SLC22A2: variants seen among roughly 807,000 people sequenced by gnomAD.
The protein encoded by SLC22A2 is organic cation transporter 2.
In SLC22A2, 46 loss-of-function variants were observed where a neutral mutation model predicts 60.5. The ratio of observed to expected loss-of-function variants is 0.76; its 90% CI spans 0.60 to 0.97. The LOEUF is 0.97. Ranked by LOEUF, SLC22A2 falls within the 50% of genes least tolerant of loss-of-function variation. The pLI, the probability that SLC22A2 is intolerant of heterozygous loss-of-function variation, is 0.00. For missense variants in SLC22A2, 701 were observed against 706.6 expected, an observed-to-expected ratio of 0.99 and a Z score of 0.09; for synonymous variants, 303 against 267.0, an observed-to-expected ratio of 1.13 and a Z score of -1.31.
At chr6:160,254,155 G>A (rs941783777) in intron 2 of SLC22A2, among the ~76,000 whole-genome samples, 1 of 152,154 alleles carries the variant, frequency 6.6e-6, no homozygotes, top group Non-Finnish European at 1.5e-5. Flanking sequence ...GTAGGCGCCT[G>A]TAATCCCAGC....
chr6:160,256,899 T>TA lies in SLC22A2; in HGVS notation c.415-183_415-182insT, dbSNP rs759207691. ...CAATTTTCTTCTTCTTCTCTCTCTC[T>TA]CTCTTTTTTTTTTTTTTTTGTGAGA... is the stretch of plus-strand genomic sequence containing the variant. On this transcript the variant is annotated intron_variant, in intron 1 of 10. Coordinates refer to ENST00000366953, the MANE Select transcript of SLC22A2 (RefSeq NM_003058.4). Among the ~76,000 whole-genome samples the TA allele has an allele frequency of 3.5e-5, 5 of 143,528 alleles. No individual in the cohort carries two copies. In the South Asian group the frequency reaches 6.6e-4, roughly 19 times the overall value. 94.2% of individuals were successfully genotyped at this position (143,528 alleles called of 152,430 possible).
intron 2 of SLC22A2, among the ~76,000 whole-genome samples, chr6:160,252,026 A>G (rs1783193250): frequency 6.6e-6 from 1 of 152,150 alleles, no homozygotes; most frequent in African/African-American, 2.4e-5. Flanking sequence ...GGTTTGTCAC[A>G]TAGGGAAATG....
rs772365565 is a variant in SLC22A2 at position 160,258,683 on chromosome 6, G to C, written c.75C>G (p.Leu25=). Residue 25 remains leucine (L), a synonymous_variant, in exon 1 of 11, where the codon CTC becomes CTG. Coordinates refer to ENST00000366953, the MANE Select transcript of SLC22A2 (RefSeq NM_003058.4). ...FHFFQKQMFF[L]LALLSATFAP... is the part of the protein sequence containing the mutation. ...CGAAGGTAGCCGAGAGCAGAGCCAA[G>C]AGGAAAAACATTTGCTTCTGGAAAA... 6.2e-7 allele frequency: 1 copy of C among 1,609,678 alleles called. No homozygotes were observed. Among genetic ancestry groups the C allele is most frequent in the East Asian group, 2.2e-5 (1 of 44,800 alleles).
intron 10 of SLC22A2, among the ~76,000 whole-genome samples, chr6:160,221,503 C>G (rs1562429548): frequency 6.6e-6 from 1 of 152,230 alleles, no homozygotes; most frequent in Admixed American, 6.5e-5. Flanking sequence ...CTCGACTTGG[C>G]TACCTGGTAC....
chr6:160,236,294 T>G (rs1426225264), intron 9 of SLC22A2, among the ~76,000 whole-genome samples: 1 of 152,226 alleles, frequency 6.6e-6, no homozygotes, highest in Non-Finnish European at 1.5e-5. Context: ...GTTAACTGCA[T>G]GGACTGAATA....
intron 9 of SLC22A2, among the ~76,000 whole-genome samples, chr6:160,231,581 C>T (rs1301662501): frequency 6.6e-6 from 1 of 151,872 alleles, no homozygotes; most frequent in South Asian, 2.1e-4. Context: ...GCTTACAATA[C>T]CCCCATCTTA....
chr6:160,255,298 T>G (rs745530929), intron 2 of SLC22A2, among the ~76,000 whole-genome samples: 1 of 152,226 alleles, frequency 6.6e-6, no homozygotes, highest in African/African-American at 2.4e-5. Flanking sequence ...TCTTCCCTTC[T>G]GCTGCCAGTT....
chr6:160,225,278 G>A (rs1782705246), intron 9 of SLC22A2, among the ~76,000 whole-genome samples: 3 of 152,112 alleles, frequency 2.0e-5, no homozygotes, highest in Non-Finnish European at 4.4e-5. Context: ...AAATTCAGGT[G>A]TTCATTAAAT....
chr6:160,256,975 A>C (rs1211271019), intron 1 of SLC22A2, among the ~76,000 whole-genome samples: 1 of 146,076 alleles, frequency 6.8e-6, no homozygotes, highest in Non-Finnish European at 1.5e-5. Flanking sequence ...ATCATGGCTC[A>C]CTGCAGCCTC....
chr6:160,238,425 G>A (rs1302227995), intron 9 of SLC22A2, among the ~76,000 whole-genome samples: 2 of 152,232 alleles, frequency 1.3e-5, no homozygotes, highest in African/African-American at 4.8e-5. Context: ...TCTGAAGTGA[G>A]TGAATCATGA....
At position 160,258,359 on chromosome 6, in the gene SLC22A2, C is replaced by CG. The variant is rs1562440297; in HGVS notation, c.398dup (p.Ser134ValfsTer7). 6.2e-7 allele frequency: 1 copy of CG among 1,609,364 alleles called. No homozygotes were observed. Among genetic ancestry groups the CG allele is most frequent in the East Asian group, 2.2e-5 (1 of 44,830 alleles). Reference sequence around the variant, plus strand: ...ACTCTCTTACCTCGGTGACGATGGACGAGCCAGGCGTCTCGTACACCCAGC... The same window carrying CG: ...ACTCTCTTACCTCGGTGACGATGGACGGAGCCAGGCGTCTCGTACACCCAGC... On this transcript the variant is annotated frameshift_variant, in exon 1 of 11. Coordinates refer to ENST00000366953, the MANE Select transcript of SLC22A2 (RefSeq NM_003058.4). LOFTEE classifies it high-confidence loss of function.
Position 160,241,539 on chromosome 6 carries a change from A to T in SLC22A2, c.1436T>A (p.Ile479Asn). The T allele has an allele frequency of 6.2e-7, 1 of 1,613,814 alleles. No homozygotes were observed. The highest frequency in any genetic ancestry group is 8.5e-7 in the Non-Finnish European group (1 of 1,179,748). Residue 479 changes from isoleucine to asparagine, a missense_variant, in exon 9 of 11, where the codon ATC becomes AAC. Physicochemically the swap from Ile to Asn is moderately radical, Grantham distance 149. Coordinates refer to ENST00000366953, the MANE Select transcript of SLC22A2 (RefSeq NM_003058.4). ...ICSSMCDIGG[I>N]ITPFLVYRLT... Reference sequence around the variant, plus strand: ...CCGGTAGACCAGGAATGGCGTGATGATGCCACCAATGTCACACATTGAGGA... The same window carrying T: ...CCGGTAGACCAGGAATGGCGTGATGTTGCCACCAATGTCACACATTGAGGA...
At chr6:160,229,619 C>T (rs1313256463) in intron 9 of SLC22A2, among the ~76,000 whole-genome samples, 1 of 151,560 alleles carries the variant, frequency 6.6e-6, no homozygotes, top group Non-Finnish European at 1.5e-5. Context: ...CACCTCCCAC[C>T]CCTTTTACAC....
At chr6:160,250,758 GTGGAAAATGCA>G in intron 2 of SLC22A2, 56 bp from the exon 3 acceptor site, 1 of 1,549,014 alleles carries the variant, frequency 6.5e-7, no homozygotes, top group East Asian at 2.3e-5. Context: ...TGTGAAGATT[GTGGAAAATGCA>G]TGGAAGTTAT....
intron 9 of SLC22A2, among the ~76,000 whole-genome samples, chr6:160,234,335 C>T (rs1782876501): frequency 6.6e-6 from 1 of 152,156 alleles, no homozygotes; most frequent in South Asian, 2.1e-4. Context: ...GTTATTTCTT[C>T]CTAAGAGGGA....
In SLC22A2 at chr6:160,256,469, A is replaced by G. The variant is rs1783273254; in HGVS notation, c.518+145T>C. 6 of 625,842 alleles carry G rather than the reference A, an allele frequency of 9.6e-6. No individual in the cohort carries two copies. In the South Asian group the frequency reaches 1.2e-4, roughly 12 times the overall value. 38.8% of individuals were successfully genotyped at this position (625,842 alleles called of 1,614,324 possible). ...TTATCCAAGCAGCAGAAGAAATTTA[A>G]GATTGTAAAAACACCAGCATGAAGG... On this transcript the variant is annotated intron_variant, in intron 2 of 10. Coordinates refer to ENST00000366953, the MANE Select transcript of SLC22A2 (RefSeq NM_003058.4).
At chr6:160,245,694 A>ATTTTTTTTTTTTTTT (rs11422120) in intron 5 of SLC22A2, 149 bp from the exon 6 acceptor site, 2 of 159,212 alleles carry the variant, frequency 1.3e-5, no homozygotes, top group Non-Finnish European at 2.2e-5. Context: ...GTCCCATTTC[A>ATTTTTTTTTTTTTTT]TTTTTTTTTT....
At chr6:160,256,582 G>C (rs2774230) in intron 2 of SLC22A2, 32 bp downstream of exon 2, 1,142,553 of 1,496,442 alleles carry the variant, frequency 0.76, 440,103 homozygotes, top group East Asian at 0.88. Flanking sequence ...CTTTGGGATT[G>C]TTTAAATTCC....
chr6:160,235,165 T>C (rs1244841409), intron 9 of SLC22A2, among the ~76,000 whole-genome samples: 3 of 152,158 alleles, frequency 2.0e-5, no homozygotes, highest in African/African-American at 4.8e-5. Context: ...GATAGATCCA[T>C]CTCAAAATCT....
Sources: gnomAD v4.1 joint callset for allele counts (sites outside exome capture counted in the v4.1 genomes callset) on GRCh38, gnomAD v4.1.1 for gene constraint, MANE v1.5 for transcripts, NCBI Gene and HGNC (gene_info 2026-07-23, HGNC 2026-07-21) for gene names.